Variants in CCDC33 observed in about 807,000 individuals in gnomAD.
The protein encoded by CCDC33 is coiled-coil domain-containing protein 33.
In CCDC33, 94 loss-of-function variants were observed where a neutral mutation model predicts 91.9. The observed-to-expected ratio is 1.02, with a 90% CI of 0.87 to 1.21. CCDC33 has a LOEUF of 1.21. CCDC33 is among the 50% of genes most tolerant of loss of function. The pLI, the probability that CCDC33 is intolerant of heterozygous loss-of-function variation, is 0.00. For synonymous variants in CCDC33, 396 were observed against 374.5 expected (o/e 1.06, Z -0.66); for missense variants, 940 against 935.5 (o/e 1.00, Z -0.06).
At chr15:74,287,894 G>C (rs773578018) in intron 10 of CCDC33, among the ~76,000 whole-genome samples, 1 of 152,222 alleles carries the variant, frequency 6.6e-6, no homozygotes, top group Non-Finnish European at 1.5e-5. Flanking sequence ...CAGACTCTGT[G>C]TCGGAGCAGG....
intron 11 of CCDC33, among the ~76,000 whole-genome samples, chr15:74,326,653 A>G (rs1596129068): frequency 6.6e-6 from 1 of 152,208 alleles, no homozygotes; most frequent in African/African-American, 2.4e-5. Context: ...GCGCAGTGTC[A>G]ATGGGTGAGG....
chr15:74,326,573 A>G (rs904621812), intron 11 of CCDC33, among the ~76,000 whole-genome samples: 2 of 152,258 alleles, frequency 1.3e-5, no homozygotes, highest in African/African-American at 2.4e-5. Context: ...CAGTGGGGCA[A>G]TTCAAACCCA....
At position 74,240,717 on chromosome 15, in the gene CCDC33, C is replaced by T. The variant is rs540759679; in HGVS notation, c.22-3268C>T. Reference sequence around the variant, plus strand: ...AAGCAATTCTTCTGCCTCAGCCTCCCGAATAGCTGGGATTACAGCCTCATG... The same window carrying T: ...AAGCAATTCTTCTGCCTCAGCCTCCTGAATAGCTGGGATTACAGCCTCATG... On this transcript the variant is annotated intron_variant, in intron 1 of 18. Coordinates refer to ENST00000398814, the MANE Select transcript of CCDC33 (RefSeq NM_025055.5). Among the ~76,000 whole-genome samples the T allele has an allele frequency of 2.1e-3, 322 of 152,210 alleles. 1 individual carries two copies. Among genetic ancestry groups the T allele is most frequent in the African/African-American group, 7.5e-3 (310 of 41,518 alleles).
chr15:74,237,176 T>C (rs76996032), intron 1 of CCDC33, among the ~76,000 whole-genome samples: 9,084 of 152,342 alleles, frequency 0.06, 330 homozygotes, highest in East Asian at 0.11. Flanking sequence ...GCCCCTGTCC[T>C]GGAACACAGA....
At chr15:74,334,839 C>T (rs540209700) in intron 17 of CCDC33, 136 bp from the exon 18 acceptor site, 25 of 735,544 alleles carry the variant, frequency 3.4e-5, no homozygotes, top group Non-Finnish European at 5.0e-5. Flanking sequence ...CCTGAGGTCT[C>T]GGGAAGGTGT....
chr15:74,231,811 T>G (rs543572654), upstream of CCDC33, among the ~76,000 whole-genome samples: 1 of 151,884 alleles, frequency 6.6e-6, no homozygotes, highest in Non-Finnish European at 1.5e-5. Flanking sequence ...AGGTCAGGAG[T>G]TCGAGACCAG....
chr15:74,274,229 G>A (rs1407791152), intron 7 of CCDC33, among the ~76,000 whole-genome samples: 2 of 152,228 alleles, frequency 1.3e-5, no homozygotes, highest in African/African-American at 4.8e-5. Context: ...CCCATGTCAG[G>A]GCAGACAGGA....
At chr15:74,296,165 G>A (rs1448314542) in intron 11 of CCDC33, among the ~76,000 whole-genome samples, 7 of 152,184 alleles carry the variant, frequency 4.6e-5, no homozygotes, top group Non-Finnish European at 8.8e-5. Context: ...TGGAACTCCC[G>A]TGTAATTTCT....
At chr15:74,307,971 C>T (rs1167310487) in intron 11 of CCDC33, among the ~76,000 whole-genome samples, 4 of 149,564 alleles carry the variant, frequency 2.7e-5, no homozygotes, top group Non-Finnish European at 4.5e-5. Context: ...TGGGCTCTCT[C>T]GAGTGCATAA....
chr15:74,205,386 T>C (rs1377993813), intron 1 of CCDC33, among the ~76,000 whole-genome samples: 1 of 151,990 alleles, frequency 6.6e-6, no homozygotes, highest in Admixed American at 6.5e-5. Flanking sequence ...ACAATCGTGA[T>C]GGAAGGTGAA....
chr15:74,317,186 A>C (rs893485342), intron 11 of CCDC33, among the ~76,000 whole-genome samples: 6 of 152,102 alleles, frequency 3.9e-5, no homozygotes, highest in Non-Finnish European at 7.4e-5. Context: ...GGTGAAACCC[A>C]GTCTCTACTA....
rs1567027359 is a variant in CCDC33 at position 74,316,442 on chromosome 15, G to A, written c.1291-13747G>A. On this transcript the variant is annotated intron_variant, in intron 11 of 18. Transcript: ENST00000398814. This position sits in a 1 kb window ranked among gnomAD's most constrained non-coding sequence, Gnocchi z 4.7. ...GCTTTTGATGAAAAATTCATGGCAC[G>A]CCCGAGGATGGGAGCAGACTCAATC... Among the ~76,000 whole-genome samples the A allele has an allele frequency of 6.6e-6, 1 of 152,220 alleles. No homozygotes were observed. The highest frequency in any genetic ancestry group is 3.2e-3 in the Middle Eastern group (1 of 316).
At chr15:74,207,522 G>A (rs1205472171) in intron 1 of CCDC33, among the ~76,000 whole-genome samples, 3 of 152,186 alleles carry the variant, frequency 2.0e-5, no homozygotes. Context: ...TTTGCAGAAA[G>A]GCCAGAGACC....
chr15:74,229,732 CA>C (rs886170764), intron 2 of CCDC33, among the ~76,000 whole-genome samples: 3 of 152,206 alleles, frequency 2.0e-5, no homozygotes, highest in Non-Finnish European at 4.4e-5. Context: ...GCTGAAGTAG[CA>C]GGAAGGAGGA....
intron 11 of CCDC33, chr15:74,300,616 C>T (rs2059775901): frequency 6.6e-6 from 1 of 152,258 alleles, no homozygotes; most frequent in South Asian, 2.1e-4. Flanking sequence ...ATCATGCATT[C>T]CCCGGAGCCC....
At chr15:74,318,560 T>A in intron 11 of CCDC33, 1 of 702,404 alleles carries the variant, frequency 1.4e-6, no homozygotes. Flanking sequence ...TGGGGACCCA[T>A]CCTGGGGAAC....
At chr15:74,206,061 T>A (rs1332522489) in intron 1 of CCDC33, among the ~76,000 whole-genome samples, 4 of 152,228 alleles carry the variant, frequency 2.6e-5, no homozygotes, top group African/African-American at 9.6e-5. Context: ...TCTGTGGGTC[T>A]CACTGTCCTC....
At chr15:74,265,057 T>C (rs2076131487) in intron 3 of CCDC33, among the ~76,000 whole-genome samples, 1 of 152,208 alleles carries the variant, frequency 6.6e-6, no homozygotes, top group Non-Finnish European at 1.5e-5. Flanking sequence ...CCTTGGCAAG[T>C]GTTCAGGGTC....
At chr15:74,259,661 C>T (rs950963282) in intron 2 of CCDC33, among the ~76,000 whole-genome samples, 19 of 152,160 alleles carry the variant, frequency 1.2e-4, no homozygotes, top group African/African-American at 4.6e-4. Flanking sequence ...AAGTCAGCAC[C>T]TGCTCCCTTG....
Sources: allele counts gnomAD v4.1 joint callset (sites outside exome capture counted in the v4.1 genomes callset), GRCh38; gene constraint gnomAD v4.1.1; non-coding constraint Gnocchi (gnomAD v3.1); transcripts MANE v1.5; gene names NCBI Gene and HGNC (gene_info 2026-07-23, HGNC 2026-07-21).